Variants in ASAH2 observed in about 807,000 individuals in gnomAD.
ASAH2 encodes neutral ceramidase.
In ASAH2, 58 loss-of-function variants were observed where a neutral mutation model predicts 82.9. The ratio of observed to expected loss-of-function variants is 0.70; its 90% CI spans 0.57 to 0.87. The LOEUF (loss-of-function observed/expected upper bound fraction) is 0.87. Among genes scored for constraint, ASAH2 ranks in the 40% least tolerant of loss-of-function variants. ASAH2 has a pLI of 0.00. For synonymous variants in ASAH2, 276 were observed against 289.7 expected (o/e 0.95, Z 0.48); for missense variants, 779 against 834.0 (o/e 0.93, Z 0.81).
At chr10:50,201,609 A>G (rs1845150760) in intron 16 of ASAH2, among the ~76,000 whole-genome samples, 2 of 152,050 alleles carry the variant, frequency 1.3e-5, no homozygotes, top group African/African-American at 4.8e-5. Context: ...GGACCAGGAG[A>G]CAAGCTAGTA....
chr10:50,196,876 A>T lies in ASAH2; in HGVS notation c.1901T>A (p.Phe634Tyr), dbSNP rs1440388887. The T allele has an allele frequency of 6.2e-7, 1 of 1,611,430 alleles. No individual in the cohort carries two copies. The highest frequency in any genetic ancestry group is 1.3e-5 in the African/African-American group (1 of 74,716). Residue 634 changes from phenylalanine to tyrosine, a missense_variant, in exon 18 of 21, where the codon TTC becomes TAC. Physicochemically the swap from Phe to Tyr is conservative, Grantham distance 22. Around this residue, in one of 3 missense-constraint regions of ASAH2, gnomAD observed 6 missense variants for 62.6 expected, o/e 0.10. Transcript: ENST00000682911. ...AATTAATGGAACTATTAATTGTTTGAAAAAGGGAGGTTCTGGACCTCTGCT... is the reference window on the plus strand; with the variant it reads ...AATTAATGGAACTATTAATTGTTTGTAAAAGGGAGGTTCTGGACCTCTGCT... ...NLSRGPEPPF[F>Y]KQLIVPLIPS...
Position 50,210,815 on chromosome 10 carries a change from C to G in ASAH2, c.1414+8G>C. On this transcript the variant is annotated splice_region_variant and intron_variant, in intron 12 of 20. Coordinates refer to ENST00000682911, the MANE Select transcript of ASAH2 (RefSeq NM_019893.4). ...TGAAACCATAGATTTTACTGGACTT[C>G]ACCTTACCCTGTGTAAAATTGAGGC... is the stretch of plus-strand genomic sequence containing the variant. The G allele has an allele frequency of 6.2e-7, 1 of 1,604,900 alleles. No individual in the cohort carries two copies.
chr10:50,217,094 C>T (rs1303953600), intron 8 of ASAH2, among the ~76,000 whole-genome samples: 1 of 152,166 alleles, frequency 6.6e-6, no homozygotes, highest in Non-Finnish European at 1.5e-5. Context: ...GCTTCTCACT[C>T]TCTAGGGAAT....
intron 4 of ASAH2, among the ~76,000 whole-genome samples, chr10:50,240,737 C>A (rs1450076458): frequency 2.6e-5 from 4 of 152,204 alleles, no homozygotes; most frequent in Non-Finnish European, 4.4e-5. Context: ...CATCAGATTT[C>A]TCTGCCTTCC....
chr10:50,205,172 C>T (rs1441932681), intron 13 of ASAH2, among the ~76,000 whole-genome samples: 6 of 152,004 alleles, frequency 3.9e-5, no homozygotes, highest in East Asian at 1.9e-4. Flanking sequence ...GATCTGTCAT[C>T]GTGAAATCAC....
intron 2 of ASAH2, 93 bp from the exon 3 acceptor site, chr10:50,245,547 G>A: frequency 8.9e-7 from 1 of 1,120,936 alleles, no homozygotes. Flanking sequence ...AGGTTCATAA[G>A]GAAAACTCTT....
At chr10:50,216,891 T>TG (rs1357619407) in intron 8 of ASAH2, among the ~76,000 whole-genome samples, 3 of 152,236 alleles carry the variant, frequency 2.0e-5, no homozygotes, top group Non-Finnish European at 4.4e-5. Flanking sequence ...TTCCCTAAAA[T>TG]GCAGGCTAAA....
chr10:50,193,462 C>T (rs2133192991), intron 18 of ASAH2, among the ~76,000 whole-genome samples: 1 of 148,024 alleles, frequency 6.8e-6, no homozygotes, highest in Non-Finnish European at 1.5e-5. Flanking sequence ...AAGCTCCCCT[C>T]AAGTTTGCAT....
Position 50,211,037 on chromosome 10 carries a change from G to A in ASAH2, c.1325C>T (p.Thr442Ile). Residue 442 changes from threonine (T) to isoleucine (I), a missense_variant, in exon 11 of 21, where the codon ACA becomes ATA. Thr to Ile is a moderately conservative substitution (Grantham distance 89). This residue lies in a region of ASAH2 where 759 missense variants were observed against 755.2 expected (regional missense o/e 1.00). Transcript: ENST00000682911. ...TGTCTCAGCAGCACTTACTGCATGT[G>A]TGGAATTGAGCCAGACAGTCACATC... The part of the protein sequence containing the change: ...MTDVTVWLNS[T>I]HASKTCKPAL... 2 of 1,613,486 alleles carry A rather than the reference G, an allele frequency of 1.2e-6. No individual in the cohort carries two copies. The highest frequency in any genetic ancestry group is 8.5e-7 in the Non-Finnish European group (1 of 1,179,484).
chr10:50,250,925 A>C (rs774088633), intron 1 of ASAH2, among the ~76,000 whole-genome samples: 17 of 152,202 alleles, frequency 1.1e-4, no homozygotes, highest in Non-Finnish European at 1.5e-4. Context: ...AATTGTTGCC[A>C]ACACAGTAAC....
At position 50,199,031 on chromosome 10, in the gene ASAH2, C is replaced by G; in HGVS notation, c.1857+20G>C. On this transcript the variant is annotated intron_variant, in intron 17 of 20. Coordinates refer to ENST00000682911, the MANE Select transcript of ASAH2 (RefSeq NM_019893.4). ...ACACACACGCACGCGCGCATGCACG[C>G]ACAAACAATATTTGATTACCGTAGC... 1 of 1,612,448 alleles carries G rather than the reference C, an allele frequency of 6.2e-7. No homozygotes were observed. Among genetic ancestry groups the G allele is most frequent in the Non-Finnish European group, 8.5e-7 (1 of 1,178,896 alleles).
rs528536782 is a variant in ASAH2 at position 50,243,327 on chromosome 10, T to C, written c.385A>G (p.Asn129Asp). 3.0e-5 allele frequency: 49 copies of C among 1,613,982 alleles called. No homozygotes were observed. The South Asian group carries it at 4.8e-4, about 16-fold the overall frequency. ...NLMGYGKSGQ[N>D]AQGILTRLYS... ...AGCCTGGTGAGGATGCCCTGTGCAT[T>C]CTGGCCGGATTTGCCATAGCCCATC... The change falls in exon 4 of 21, where the codon AAT becomes GAT. Residue 129 changes from asparagine (N) to aspartate (D), a missense_variant. Coordinates refer to ENST00000682911, the MANE Select transcript of ASAH2 (RefSeq NM_019893.4).
rs1312237990 is a variant in ASAH2, at chr10:50,185,949, C to T, written c.*1366G>A. ...ACCTGGGGTTTGGAAATTTGCTTTG[C>T]AGTCTGGGAGGTTGTAGTTAACTTA... On this transcript the variant is annotated 3_prime_UTR_variant, in exon 21 of 21. Coordinates refer to ENST00000682911, the MANE Select transcript of ASAH2 (RefSeq NM_019893.4). 1 of 148,064 alleles carries T rather than the reference C, an allele frequency of 6.8e-6. No homozygotes were observed. The highest frequency in any genetic ancestry group is 2.6e-5 in the African/African-American group (1 of 39,016). 9.2% of individuals were successfully genotyped at this position (148,064 alleles called of 1,614,324 possible).
At chr10:50,209,016 T>C (rs1473968567) in intron 12 of ASAH2, among the ~76,000 whole-genome samples, 1 of 152,192 alleles carries the variant, frequency 6.6e-6, no homozygotes, top group Non-Finnish European at 1.5e-5. Context: ...TTTTAACAAG[T>C]GTGCCAAGAT....
chr10:50,245,162 T>C (rs1420312313), intron 3 of ASAH2, 60 bp downstream of exon 3: 20 of 1,352,712 alleles, frequency 1.5e-5, no homozygotes, highest in Non-Finnish European at 2.1e-5. Flanking sequence ...TGAATGCAGG[T>C]TGTAAAATAA....
At chr10:50,240,776 T>C (rs7902744) in intron 4 of ASAH2, among the ~76,000 whole-genome samples, 51,368 of 152,096 alleles carry the variant, frequency 0.34, 10,611 homozygotes, top group Non-Finnish European at 0.45. Flanking sequence ...TTCTGCTCAC[T>C]CAAGTGTCAT....
chr10:50,240,531 GA>G, intron 4 of ASAH2: 1 of 702,194 alleles, frequency 1.4e-6, no homozygotes, highest in South Asian at 1.5e-5. Context: ...CCACTCAGAA[GA>G]TTTCTCAGAG....
chr10:50,214,534 C>A (rs1513233), intron 9 of ASAH2, among the ~76,000 whole-genome samples: 116,643 of 152,086 alleles, frequency 0.77, 46,542 homozygotes, highest in Non-Finnish European at 0.88. Flanking sequence ...CATTCAAAAA[C>A]CTTAACAGTC....
chr10:50,233,369 G>A (rs1846064033), intron 6 of ASAH2, 108 bp from the exon 7 acceptor site: 3 of 767,714 alleles, frequency 3.9e-6, no homozygotes, highest in African/African-American at 1.7e-5. Context: ...CTCAGTAAGT[G>A]AGATGTCTTG....
Sources: gnomAD v4.1 joint callset for allele counts (sites outside exome capture counted in the v4.1 genomes callset) on GRCh38, gnomAD v4.1.1 for gene constraint, gnomAD v4.1.1 regional missense constraint, MANE v1.5 for transcripts, NCBI Gene and HGNC (gene_info 2026-07-23, HGNC 2026-07-21) for gene names.